Variants in DAB1 observed in about 807,000 individuals in gnomAD.
The protein encoded by DAB1 is DAB adaptor protein 1, also known as disabled homolog 1.
A neutral mutation model predicts 64.6 loss-of-function variants in DAB1; 15 were observed. The ratio of observed to expected loss-of-function variants is 0.23; its 90% confidence interval spans 0.16 to 0.36. The LOEUF (loss-of-function observed/expected upper bound fraction) is 0.36. DAB1 is among the 10% of genes least tolerant of loss of function. The pLI is 1.00. For synonymous variants in DAB1, 235 were observed against 251.9 expected (o/e 0.93, Z 0.64); for missense variants, 596 against 706.7 (o/e 0.84, Z 1.78).
intron 2 of DAB1, among the ~76,000 whole-genome samples, chr1:58,516,681 C>T (rs948004098): frequency 6.6e-6 from 1 of 152,160 alleles, no homozygotes; most frequent in African/African-American, 2.4e-5. Context: ...TCATGAGTAA[C>T]ATCGTTTTTG....
chr1:58,443,680 A>T lies in DAB1; in HGVS notation n.257+62380T>A, dbSNP rs538239730. Among the ~76,000 whole-genome samples the T allele has an allele frequency of 7.2e-5, 11 of 152,356 alleles. 1 individual carries two copies. The highest frequency in any genetic ancestry group is 5.2e-4 in the Admixed American group (8 of 15,298). The stretch of plus-strand genomic sequence containing the variant: ...GTACTATTTTTGCAATCTTTCTGCA[A>T]ATCTAGATATTCTTAAAATTAAAAG... On this transcript the variant is annotated intron_variant and non_coding_transcript_variant, in intron 3 of 20. Transcript: ENST00000485760.
At chr1:57,329,433 C>T (rs144136460) in intron 1 of DAB1, among the ~76,000 whole-genome samples, 1,678 of 152,176 alleles carry the variant, frequency 0.011, 13 homozygotes, top group Non-Finnish European at 0.016. Flanking sequence ...TTTATATTGG[C>T]GCTAGTTTTG....
intron 1 of DAB1, among the ~76,000 whole-genome samples, chr1:57,292,764 G>A (rs1672881651): frequency 6.6e-6 from 1 of 152,090 alleles, no homozygotes; most frequent in African/African-American, 2.4e-5. Context: ...ACATAGTCAA[G>A]GGTTGTTTCC....
chr1:57,801,448 G>T (rs1435851091), intron 6 of DAB1, among the ~76,000 whole-genome samples: 3 of 152,104 alleles, frequency 2.0e-5, no homozygotes, highest in Non-Finnish European at 2.9e-5. Flanking sequence ...GAATCTTATG[G>T]AATACCATTC....
At chr1:57,789,996 G>C (rs1463075554) in intron 6 of DAB1, among the ~76,000 whole-genome samples, 1 of 152,148 alleles carries the variant, frequency 6.6e-6, no homozygotes, top group Non-Finnish European at 1.5e-5. Flanking sequence ...TCAGCATTTG[G>C]ATATATGGCT....
intron 2 of DAB1, among the ~76,000 whole-genome samples, chr1:57,247,601 C>T (rs1217322354): frequency 6.6e-6 from 1 of 152,172 alleles, no homozygotes; most frequent in East Asian, 1.9e-4. Flanking sequence ...TAGTAGGTTG[C>T]TATGGAAGAG....
intron 1 of DAB1, among the ~76,000 whole-genome samples, chr1:57,314,880 T>A (rs1435222692): frequency 1.3e-5 from 2 of 151,892 alleles, no homozygotes; most frequent in Admixed American, 1.3e-4. Context: ...AGAGGATGGA[T>A]CCATGGTTAA....
At chr1:58,274,712 G>A (rs1767561) in intron 4 of DAB1, among the ~76,000 whole-genome samples, 6,223 of 152,250 alleles carry the variant, frequency 0.041, 419 homozygotes, top group East Asian at 0.22. Context: ...CTCGTGGTTC[G>A]CCGCTTTTTA....
chr1:58,135,259 G>A (rs1043871764), intron 5 of DAB1, among the ~76,000 whole-genome samples: 1 of 152,152 alleles, frequency 6.6e-6, no homozygotes, highest in Non-Finnish European at 1.5e-5. Context: ...TTATCAAGGT[G>A]CATTCCAGGA....
chr1:57,915,275 A>G (rs1167517739), intron 5 of DAB1, among the ~76,000 whole-genome samples: 1 of 152,180 alleles, frequency 6.6e-6, no homozygotes, highest in Non-Finnish European at 1.5e-5. Flanking sequence ...ATTTCTGATA[A>G]TAAGCATGTA....
intron 2 of DAB1, among the ~76,000 whole-genome samples, chr1:58,519,901 A>T (rs1569939688): frequency 1.3e-5 from 2 of 152,358 alleles, no homozygotes; most frequent in East Asian, 3.9e-4. Context: ...CTCAAATACG[A>T]ATTTAATGTA....
At chr1:58,238,125 C>T (rs1263359998) in intron 4 of DAB1, among the ~76,000 whole-genome samples, 1 of 152,122 alleles carries the variant, frequency 6.6e-6, no homozygotes, top group East Asian at 1.9e-4. Context: ...TGCTAGCTAT[C>T]GGGATACAAA....
chr1:58,205,716 T>C (rs1330638399), intron 4 of DAB1, among the ~76,000 whole-genome samples: 1 of 152,242 alleles, frequency 6.6e-6, no homozygotes, highest in Non-Finnish European at 1.5e-5. Context: ...CATTCTTTAA[T>C]TGAATGATGA....
chr1:58,350,405 G>A (rs903920659), intron 3 of DAB1, among the ~76,000 whole-genome samples: 6 of 152,248 alleles, frequency 3.9e-5, no homozygotes, highest in African/African-American at 1.4e-4. Context: ...GGTTCTGTAG[G>A]TTGCCTATTC....
At chr1:57,588,274 C>T (rs907119998) in intron 7 of DAB1, among the ~76,000 whole-genome samples, 2 of 152,176 alleles carry the variant, frequency 1.3e-5, no homozygotes, top group Non-Finnish European at 1.5e-5. Flanking sequence ...TTAGACAGCA[C>T]CCCCCTACCA....
At chr1:57,073,930 G>A (rs1651745723) in intron 4 of DAB1, among the ~76,000 whole-genome samples, 2 of 152,182 alleles carry the variant, frequency 1.3e-5, no homozygotes, top group South Asian at 4.1e-4. Context: ...ACGCTGGAGT[G>A]CAACGGTGCA....
At chr1:57,864,557 T>G (rs1654207513) in intron 1 of DAB1, 1 of 152,082 alleles carries the variant, frequency 6.6e-6, no homozygotes, top group Admixed American at 6.6e-5. Flanking sequence ...CAAGTGAGGG[T>G]GCATGGGTTT....
intron 2 of DAB1, among the ~76,000 whole-genome samples, chr1:57,195,582 AGT>A: frequency 6.6e-6 from 1 of 152,356 alleles, no homozygotes; most frequent in Admixed American, 6.5e-5. Flanking sequence ...GGCTGAACCC[AGT>A]TCTCTCTAAA....
intron 2 of DAB1, among the ~76,000 whole-genome samples, chr1:57,240,155 G>T (rs1482898626): frequency 3.3e-5 from 5 of 152,114 alleles, no homozygotes; most frequent in African/African-American, 1.2e-4. Flanking sequence ...TATTTGCTGA[G>T]CATTTCCTAA....
Sources: gnomAD v4.1 joint callset for allele counts (sites outside exome capture counted in the v4.1 genomes callset) on GRCh38, gnomAD v4.1.1 for gene constraint, MANE v1.5 for transcripts, NCBI Gene and HGNC (gene_info 2026-07-23, HGNC 2026-07-21) for gene names.